The following ACER2 variants were observed in gnomAD, a reference collection of about 807,000 sequenced individuals.
ACER2 encodes alkaline ceramidase 2, also known as alkCDase 2.
Under a neutral mutation model 34.7 loss-of-function variants are expected in ACER2, and 26 were observed. That is an observed-to-expected ratio of 0.75 (90% CI 0.55 to 1.04). ACER2 has a LOEUF of 1.04. ACER2 is among the 50% of genes least tolerant of loss of function. The pLI, the probability that ACER2 is intolerant of heterozygous loss-of-function variation, is 0.00. For missense variants in ACER2, 352 were observed against 340.8 expected, an observed-to-expected ratio of 1.03 and a Z score of -0.26; for synonymous variants, 138 against 132.1, an observed-to-expected ratio of 1.04 and a Z score of -0.31.
intron 1 of ACER2, among the ~76,000 whole-genome samples, chr9:19,412,602 C>T (rs1408212077): frequency 6.8e-6 from 1 of 147,756 alleles, no homozygotes; most frequent in Non-Finnish European, 1.5e-5. Flanking sequence ...TTGCAGTAAG[C>T]TGAGATCGCG....
intron 3 of ACER2, among the ~76,000 whole-genome samples, chr9:19,432,855 A>G (rs1830800922): frequency 6.6e-6 from 1 of 151,246 alleles, no homozygotes; most frequent in African/African-American, 2.4e-5. Flanking sequence ...TGGCCTCCCA[A>G]AGTGCTAGGA....
Position 19,446,344 on chromosome 9 carries a change from G to A in ACER2, c.567G>A (p.Leu189=). The A allele has an allele frequency of 6.2e-7, 1 of 1,614,206 alleles. No individual in the cohort carries two copies. The highest frequency in any genetic ancestry group is 8.5e-7 in the Non-Finnish European group (1 of 1,180,048). The change falls in exon 5 of 6, where the codon CTG becomes CTA. Residue 189 remains leucine (L), a synonymous_variant. Coordinates refer to ENST00000340967, the MANE Select transcript of ACER2 (RefSeq NM_001010887.3). The stretch of plus-strand genomic sequence containing the variant: ...CGGGCCTCTGGTGGACCCTGGCCCT[G>A]TTCTGCTGGATCAGTGACCGAGCTT... The part of the protein sequence containing the change: ...LFSGLWWTLA[L]FCWISDRAFC...
chr9:19,434,873 C>G, intron 3 of ACER2, 74 bp from the exon 4 acceptor site: 3 of 1,578,516 alleles, frequency 1.9e-6, no homozygotes, highest in South Asian at 2.3e-5. Context: ...ATGCCTGTAC[C>G]TTGCTAACAT....
intron 1 of ACER2, among the ~76,000 whole-genome samples, chr9:19,417,276 A>G (rs557786284): frequency 1.3e-5 from 2 of 152,378 alleles, no homozygotes; most frequent in East Asian, 3.9e-4. Context: ...AAGAATCAAA[A>G]TCATGAAAAT....
intron 1 of ACER2, among the ~76,000 whole-genome samples, chr9:19,420,841 G>A (rs1044844470): frequency 6.6e-6 from 1 of 152,118 alleles, no homozygotes; most frequent in African/African-American, 2.4e-5. Context: ...TGGTGGGAAG[G>A]GTGAATACCT....
At chr9:19,416,154 T>A (rs2132461049) in intron 1 of ACER2, among the ~76,000 whole-genome samples, 1 of 151,996 alleles carries the variant, frequency 6.6e-6, no homozygotes, top group African/African-American at 2.4e-5. Flanking sequence ...ATTTTTCTTC[T>A]CCTCTTTCTT....
Position 19,446,269 on chromosome 9 carries a change from A to G in ACER2, c.504-12A>G. On this transcript the variant is annotated splice_polypyrimidine_tract_variant and intron_variant, in intron 4 of 5. Coordinates refer to ENST00000340967, the MANE Select transcript of ACER2 (RefSeq NM_001010887.3). ...GGTCTGACGATGAGTGACTCTCTGG[A>G]CCCCCGTGCAGGTGTGACAACATGC... 1 of 1,613,952 alleles carries G rather than the reference A, an allele frequency of 6.2e-7. No individual in the cohort carries two copies. Among genetic ancestry groups the G allele is most frequent in the Non-Finnish European group, 8.5e-7 (1 of 1,180,010 alleles).
At chr9:19,437,395 T>C (rs1418187984) in intron 4 of ACER2, among the ~76,000 whole-genome samples, 1 of 152,186 alleles carries the variant, frequency 6.6e-6, no homozygotes, top group African/African-American at 2.4e-5. Flanking sequence ...CCACCTCAGG[T>C]GATTGCTGGA....
intron 4 of ACER2, 59 bp downstream of exon 4, chr9:19,435,143 C>T (rs566675534): frequency 2.6e-5 from 41 of 1,588,584 alleles, no homozygotes; most frequent in African/African-American, 2.3e-4. Flanking sequence ...CACACCAGTT[C>T]GGGGCTTCTT....
In ACER2 at chr9:19,409,082, G is replaced by C; in HGVS notation, c.-3G>C. ...GCAGCTGCTCCAATGCCCCGGAGTGGCCATGGGCGCCCCGCACTGGTGGGA... is the reference window on the plus strand; with the variant it reads ...GCAGCTGCTCCAATGCCCCGGAGTGCCCATGGGCGCCCCGCACTGGTGGGA... On this transcript the variant is annotated 5_prime_UTR_variant, in exon 1 of 6. Transcript: ENST00000340967. The C allele has an allele frequency of 6.3e-7, 1 of 1,578,820 alleles. No individual in the cohort carries two copies. The highest frequency in any genetic ancestry group is 2.3e-5 in the East Asian group (1 of 43,282).
intron 5 of ACER2, among the ~76,000 whole-genome samples, chr9:19,448,968 G>A (rs1038018620): frequency 2.0e-5 from 3 of 152,004 alleles, no homozygotes; most frequent in South Asian, 2.1e-4. Context: ...GTGAAACCCC[G>A]TCTCTACTAA....
At chr9:19,436,203 C>A (rs538355601) in intron 4 of ACER2, among the ~76,000 whole-genome samples, 1 of 152,130 alleles carries the variant, frequency 6.6e-6, no homozygotes, top group Non-Finnish European at 1.5e-5. Flanking sequence ...AGGTGTGAGC[C>A]ACTGCAGCCA....
intron 4 of ACER2, among the ~76,000 whole-genome samples, chr9:19,437,107 G>A (rs1272957073): frequency 6.6e-6 from 1 of 152,146 alleles, no homozygotes; most frequent in Non-Finnish European, 1.5e-5. Flanking sequence ...CTTGTGTTCA[G>A]CTGTCATCAC....
At chr9:19,445,130 G>T (rs1372877654) in intron 4 of ACER2, among the ~76,000 whole-genome samples, 1 of 152,236 alleles carries the variant, frequency 6.6e-6, no homozygotes, top group African/African-American at 2.4e-5. Context: ...CCTCCGGGAA[G>T]AAGGACGCTC....
At position 19,424,069 on chromosome 9, in the gene ACER2, T is replaced by C. The variant is rs1830490787; in HGVS notation, c.223+93T>C. 4.3e-6 allele frequency: 5 copies of C among 1,166,718 alleles called. No homozygotes were observed. In the African/African-American group the frequency reaches 4.6e-5, roughly 11 times the overall value. The allele number at this position is 1,166,718 out of a possible 1,614,324, so 72.3% of individuals were successfully genotyped here. A position where few individuals can be genotyped will look rare whatever the true frequency, so the allele number is the denominator to read the frequency against. On this transcript the variant is annotated intron_variant, in intron 2 of 5. Coordinates refer to ENST00000340967, the MANE Select transcript of ACER2 (RefSeq NM_001010887.3). The stretch of plus-strand genomic sequence containing the variant: ...CACTTCCTCTCCCCTTTGAACATAA[T>C]GTTTTGTAAACTGAAGTCACTCTGA...
intron 3 of ACER2, among the ~76,000 whole-genome samples, chr9:19,427,204 A>G (rs928782498): frequency 4.6e-4 from 70 of 152,364 alleles, no homozygotes; most frequent in African/African-American, 1.5e-3. Flanking sequence ...AATACTAAGC[A>G]ACATGGAGAG....
intron 4 of ACER2, among the ~76,000 whole-genome samples, chr9:19,442,231 A>T (rs539248027): frequency 6.6e-6 from 1 of 152,340 alleles, no homozygotes; most frequent in South Asian, 2.1e-4. Flanking sequence ...TTAAGAAAAA[A>T]TTGAGAATAT....
At position 19,447,751 on chromosome 9, in the gene ACER2, T is replaced by A. The variant is rs182923648; in HGVS notation, c.641+1333T>A. On this transcript the variant is annotated intron_variant, in intron 5 of 5. Transcript: ENST00000340967. ...GACTCAAACTTAATGTGTTTCTGAATTTGGTATATTTCTGCTTTGTTTTTC... is the reference window on the plus strand; with the variant it reads ...GACTCAAACTTAATGTGTTTCTGAAATTGGTATATTTCTGCTTTGTTTTTC... Among the ~76,000 whole-genome samples the A allele has an allele frequency of 2.0e-5, 3 of 152,354 alleles. No homozygotes were observed. The East Asian group carries it at 5.8e-4, about 29-fold the overall frequency.
At chr9:19,449,919 A>G (rs1294806665) in intron 5 of ACER2, among the ~76,000 whole-genome samples, 1 of 151,280 alleles carries the variant, frequency 6.6e-6, no homozygotes, top group African/African-American at 2.4e-5. Flanking sequence ...AAAGGATTAC[A>G]TGCTTTTAAA....
Sources: gnomAD v4.1 joint callset for allele counts (sites outside exome capture counted in the v4.1 genomes callset) on GRCh38, gnomAD v4.1.1 for gene constraint, MANE v1.5 for transcripts, NCBI Gene and HGNC (gene_info 2026-07-23, HGNC 2026-07-21) for gene names.